The following TERF2 variants were observed in gnomAD, a reference collection of about 807,000 sequenced individuals.
TERF2 encodes the protein telomeric repeat binding factor 2.
Under a neutral mutation model 56.1 loss-of-function variants are expected in TERF2, and 16 were observed. The ratio of observed to expected loss-of-function variants is 0.29; its 90% CI spans 0.19 to 0.43. The LOEUF (loss-of-function observed/expected upper bound fraction) is 0.43, where lower values mean the gene tolerates loss of function less well. Ranked by LOEUF, TERF2 falls within the 20% of genes least tolerant of loss-of-function variation. The pLI is 1.00. For missense variants in TERF2, 547 were observed against 712.9 expected (o/e 0.77, Z 2.65); for synonymous variants, 296 against 282.1 (o/e 1.05, Z -0.50).
intron 3 of TERF2, among the ~76,000 whole-genome samples, chr16:69,377,005 A>T (rs2013815463): frequency 6.6e-6 from 1 of 152,092 alleles, no homozygotes; most frequent in Admixed American, 6.5e-5. Flanking sequence ...GTTTGAGACC[A>T]GTCTGGCCAA....
chr16:69,373,923 G>T (rs937493130), intron 3 of TERF2, among the ~76,000 whole-genome samples: 4 of 152,228 alleles, frequency 2.6e-5, no homozygotes, highest in African/African-American at 9.6e-5. Context: ...GGGAAGAATA[G>T]CAAGGAAATT....
rs34590918 is a variant in TERF2, at chr16:69,372,501, G to A, written c.607-146C>T. 2.5e-3 allele frequency: 1,296 copies of A among 516,106 alleles called. 40 individuals are homozygous for A. The East Asian group carries it at 0.045, about 18-fold the overall frequency. 32.0% of individuals were successfully genotyped at this position (516,106 alleles called of 1,614,324 possible). ...TATAAAGCCAGGCGCGGTGGCTCAC[G>A]CCTGTAATCCCAGCACTTTGGGAGG... On this transcript the variant is annotated intron_variant, in intron 3 of 9. Coordinates refer to ENST00000254942, the MANE Select transcript of TERF2 (RefSeq NM_005652.5).
chr16:69,367,193 T>C lies in TERF2; in HGVS notation c.954A>G (p.Leu318=). 1 of 1,601,198 alleles carries C rather than the reference T, an allele frequency of 6.2e-7. No individual in the cohort carries two copies. Among genetic ancestry groups the C allele is most frequent in the Non-Finnish European group, 8.5e-7 (1 of 1,170,908 alleles). ...EKPPREPARQ[L]RNPPTTIGMM... Reference sequence around the variant, plus strand: ...TTCCAATGGTGGTTGGAGGATTCCGTAGCTGCCTGCAAATCAAGCATAGGC... The same window carrying C: ...TTCCAATGGTGGTTGGAGGATTCCGCAGCTGCCTGCAAATCAAGCATAGGC... Residue 318 remains leucine (L), a synonymous_variant, in exon 7 of 10, where the codon CTA becomes CTG. Coordinates refer to ENST00000254942, the MANE Select transcript of TERF2 (RefSeq NM_005652.5).
chr16:69,369,122 T>TGCTGTCC (rs779950250), intron 5 of TERF2, among the ~76,000 whole-genome samples: 1 of 145,480 alleles, frequency 6.9e-6, no homozygotes, highest in Non-Finnish European at 1.5e-5. Context: ...GCTCTTTGTG[T>TGCTGTCC]TATATAGATA....
In TERF2 at chr16:69,376,400, A is replaced by C. The variant is rs542368972; in HGVS notation, c.607-4045T>G. ...TTTAGATGCTCTCTTCTGTTCTACT[A>C]ATCTCTATAGTCGTAATTACTGTAA... On this transcript the variant is annotated intron_variant, in intron 3 of 9. Transcript: ENST00000254942. Among the ~76,000 whole-genome samples, 178 of 152,286 alleles carry C rather than the reference A, an allele frequency of 1.2e-3. 1 individual carries two copies. The highest frequency in any genetic ancestry group is 0.01 in the Middle Eastern group (3 of 294).
Position 69,356,295 on chromosome 16 carries a change from G to A in TERF2, c.*603C>T. The A allele has an allele frequency of 2.4e-6, 1 of 417,114 alleles. No homozygotes were observed. The highest frequency in any genetic ancestry group is 4.7e-6 in the Non-Finnish European group (1 of 212,526). 25.8% of individuals were successfully genotyped at this position (417,114 alleles called of 1,614,324 possible). A position where few individuals can be genotyped will look rare whatever the true frequency, so the allele number is the denominator to read the frequency against. ...AGGAGAAGGTTCTACAGATTACCAGGGATTTAAATTTAAGCAAACCACTAA... is the reference window on the plus strand; with the variant it reads ...AGGAGAAGGTTCTACAGATTACCAGAGATTTAAATTTAAGCAAACCACTAA... On this transcript the variant is annotated 3_prime_UTR_variant, in exon 10 of 10. Transcript: ENST00000254942.
At chr16:69,383,675 T>C (rs1349070077) in intron 3 of TERF2, among the ~76,000 whole-genome samples, 1 of 152,248 alleles carries the variant, frequency 6.6e-6, no homozygotes, top group Non-Finnish European at 1.5e-5. Flanking sequence ...GCACACTAGT[T>C]GTTTTTTAAT....
chr16:69,362,351 C>A (rs1341953275), intron 7 of TERF2, among the ~76,000 whole-genome samples: 3 of 152,120 alleles, frequency 2.0e-5, no homozygotes, highest in Non-Finnish European at 4.4e-5. Context: ...TCTCCTCCTG[C>A]CTGCAGTGCT....
chr16:69,374,986 C>T (rs1051520175), intron 3 of TERF2, among the ~76,000 whole-genome samples: 2 of 152,068 alleles, frequency 1.3e-5, no homozygotes, highest in South Asian at 2.1e-4. Flanking sequence ...ACAAAAAAGC[C>T]GTAAGTGTGT....
At chr16:69,358,137 C>G (rs766911752) in intron 8 of TERF2, among the ~76,000 whole-genome samples, 32 of 152,092 alleles carry the variant, frequency 2.1e-4, no homozygotes, top group Non-Finnish European at 3.4e-4. Context: ...CTCAGCCTCC[C>G]GAGTAGCTGG....
chr16:69,374,987 G>GT (rs1354200222), intron 3 of TERF2, among the ~76,000 whole-genome samples: 10 of 152,088 alleles, frequency 6.6e-5, no homozygotes, highest in Non-Finnish European at 1.2e-4. Flanking sequence ...CAAAAAAGCC[G>GT]TAAGTGTGTA....
At position 69,366,959 on chromosome 16, in the gene TERF2, G is replaced by C. The variant is rs1309328926; in HGVS notation, c.1188C>G (p.Asn396Lys). 1.2e-6 allele frequency: 2 copies of C among 1,614,216 alleles called. No homozygotes were observed. Among genetic ancestry groups the C allele is most frequent in the East Asian group, 2.2e-5 (1 of 44,882 alleles). ...CCAATCTGCTTATTGTCATGCGCTT[G>C]TTCTTGGGCTGCAGTTCCGAGCCAC... ...GEGGSELQPKNKRMTISRLVL... is the reference protein window; with the variant it reads ...GEGGSELQPKKKRMTISRLVL... The change falls in exon 7 of 10, where the codon AAC (asparagine) becomes AAG (lysine). Residue 396 changes from asparagine (N) to lysine (K), a missense_variant. Asn to Lys is a moderately conservative substitution (Grantham distance 94). Transcript: ENST00000254942.
chr16:69,385,395 A>C lies in TERF2; in HGVS notation c.471T>G (p.Asn157Lys), dbSNP rs1289366282. ...AGAACACAAAAATAGCCATACCTAA[A>C]TTTTCCCCTTCTTCAATCCGCGACA... ...QCLSRIEEGENLDCSFDMEAE... is the reference protein window; with the variant it reads ...QCLSRIEEGEKLDCSFDMEAE... The change falls in exon 2 of 10, where the codon AAT becomes AAG. Residue 157 changes from asparagine (N) to lysine (K), a missense_variant. Transcript: ENST00000254942. 6.2e-7 allele frequency: 1 copy of C among 1,613,800 alleles called. No homozygotes were observed. The highest frequency in any genetic ancestry group is 1.3e-5 in the African/African-American group (1 of 74,880).
At chr16:69,372,228 G>C in intron 4 of TERF2, 41 bp downstream of exon 4, 1 of 1,412,156 alleles carries the variant, frequency 7.1e-7, no homozygotes, top group Non-Finnish European at 9.8e-7. Context: ...AAAGCAATGA[G>C]ATGAATTTAA....
In TERF2 at chr16:69,385,898, G is replaced by T. The variant is rs749171225; in HGVS notation, c.74C>A (p.Pro25Gln). ...GVVRDPAASQ[P>Q]RKRPGREGGE... is the part of the protein sequence containing the mutation. The stretch of plus-strand genomic sequence containing the variant: ...GCCCTCCCGGCCGGGCCGCTTCCTC[G>T]GCTGTGACGCCGCTGGGTCACGCAC... Residue 25 changes from proline to glutamine, a missense_variant, in exon 1 of 10, where the codon CCG (proline) becomes CAG (glutamine). Coordinates refer to ENST00000254942, the MANE Select transcript of TERF2 (RefSeq NM_005652.5). The T allele has an allele frequency of 1.3e-5, 18 of 1,377,226 alleles. No individual in the cohort carries two copies. The highest frequency in any genetic ancestry group is 1.6e-5 in the Non-Finnish European group (17 of 1,063,888). 85.3% of individuals were successfully genotyped at this position (1,377,226 alleles called of 1,614,324 possible).
In TERF2 at chr16:69,385,953, T is replaced by C; in HGVS notation, c.19A>G (p.Thr7Ala). The change falls in exon 1 of 10, where the codon ACG becomes GCG. Residue 7 changes from threonine to alanine, a missense_variant. Thr to Ala is a moderately conservative substitution (Grantham distance 58, BLOSUM62 0). Coordinates refer to ENST00000254942, the MANE Select transcript of TERF2 (RefSeq NM_005652.5). The part of the protein sequence containing the change: MAAGAG[T>A]AGPASGPGVV... ...CCCGGGCCGGAAGCGGGGCCCGCCGTCCCGGCTCCCGCGGCCATGATAGAA... is the reference window on the plus strand; with the variant it reads ...CCCGGGCCGGAAGCGGGGCCCGCCGCCCCGGCTCCCGCGGCCATGATAGAA... 2 of 1,359,798 alleles carry C rather than the reference T, an allele frequency of 1.5e-6. No individual in the cohort carries two copies. The highest frequency in any genetic ancestry group is 3.1e-5 in the East Asian group (1 of 32,174). 84.2% of individuals were successfully genotyped at this position (1,359,798 alleles called of 1,614,324 possible).
At position 69,376,542 on chromosome 16, in the gene TERF2, T is replaced by C. The variant is rs187402117; in HGVS notation, c.607-4187A>G. On this transcript the variant is annotated intron_variant, in intron 3 of 9. Transcript: ENST00000254942. ...ATATGTTTTAGAATTAGCCAGTCTG[T>C]ATCTATAGAAAATCCTGCTGAGGCC... Among the ~76,000 whole-genome samples, 7 of 152,192 alleles carry C rather than the reference T, an allele frequency of 4.6e-5. No individual in the cohort carries two copies. In the East Asian group the frequency reaches 1.2e-3, roughly 25 times the overall value.
chr16:69,374,460 T>C (rs990428393), intron 3 of TERF2, among the ~76,000 whole-genome samples: 3 of 150,368 alleles, frequency 2.0e-5, no homozygotes, highest in African/African-American at 7.3e-5. Context: ...TGAAAACCCA[T>C]CTCTACAAAA....
intron 3 of TERF2, among the ~76,000 whole-genome samples, chr16:69,376,907 A>T (rs991022485): frequency 1.3e-5 from 2 of 151,182 alleles, no homozygotes; most frequent in Non-Finnish European, 2.9e-5. Flanking sequence ...GAAAAGAAAG[A>T]AAATCCCGCT....
Sources: gnomAD v4.1 joint callset for allele counts (sites outside exome capture counted in the v4.1 genomes callset) on GRCh38, gnomAD v4.1.1 for gene constraint, MANE v1.5 for transcripts, NCBI Gene and HGNC (gene_info 2026-07-23, HGNC 2026-07-21) for gene names.